ASIC2: variants seen among roughly 807,000 people sequenced by gnomAD.
ASIC2 encodes acid-sensing ion channel 2.
In ASIC2, 25 loss-of-function variants were observed where a neutral mutation model predicts 57.3. The observed-to-expected ratio is 0.44, with a 90% CI of 0.32 to 0.61. The LOEUF (loss-of-function observed/expected upper bound fraction) is 0.61, where lower values mean the gene tolerates loss of function less well. ASIC2 is among the 20% of genes least tolerant of loss of function. The pLI, the probability that ASIC2 is intolerant of heterozygous loss-of-function variation, is 0.06. For synonymous variants in ASIC2, 319 were observed against 307.5 expected, an observed-to-expected ratio of 1.04 and a Z score of -0.39; for missense variants, 641 against 738.1, an observed-to-expected ratio of 0.87 and a Z score of 1.52.
chr17:33,718,159 A>G (rs1909279115), intron 1 of ASIC2, among the ~76,000 whole-genome samples: 1 of 151,802 alleles, frequency 6.6e-6, no homozygotes, highest in Non-Finnish European at 1.5e-5. Context: ...ATGCTCCTGT[A>G]TGCTTTAAAT....
At chr17:33,776,484 C>T (rs532437044) in intron 1 of ASIC2, among the ~76,000 whole-genome samples, 11 of 152,264 alleles carry the variant, frequency 7.2e-5, no homozygotes, top group East Asian at 1.9e-4. Context: ...TTCAGGAGTC[C>T]GAACAGACTA....
rs1264687018 is a variant in ASIC2, at chr17:33,873,010, C to CA, written c.555+282967dup. 3.3e-5 allele frequency among the ~76,000 whole-genome samples: 5 copies of CA among 152,132 alleles called. 1 individual carries two copies. ...CCAAGAAAAAGGCAGAGACTTAAGA[C>CA]AGAGACAAGAACTTCAAGAAAAAAT... On this transcript the variant is annotated intron_variant, in intron 1 of 9. Transcript: ENST00000359872.
At chr17:33,709,442 G>T (rs1908960564) in intron 1 of ASIC2, among the ~76,000 whole-genome samples, 1 of 152,222 alleles carries the variant, frequency 6.6e-6, no homozygotes, top group Non-Finnish European at 1.5e-5. Flanking sequence ...GCCTTTCTAA[G>T]AAGAGGTCAG....
intron 1 of ASIC2, among the ~76,000 whole-genome samples, chr17:33,218,396 C>G (rs1907575074): frequency 1.3e-5 from 2 of 152,244 alleles, no homozygotes; most frequent in African/African-American, 4.8e-5. Flanking sequence ...TTCTATTCAT[C>G]TGAGCATTCT....
At chr17:33,243,356 C>T (rs992490867) in intron 1 of ASIC2, among the ~76,000 whole-genome samples, 31 of 152,010 alleles carry the variant, frequency 2.0e-4, no homozygotes, top group African/African-American at 6.5e-4. Flanking sequence ...TTTAGTAAAT[C>T]GTAGGACTGC....
At chr17:33,018,158 A>G (rs1476765137) in intron 7 of ASIC2, among the ~76,000 whole-genome samples, 1 of 152,206 alleles carries the variant, frequency 6.6e-6, no homozygotes, top group Non-Finnish European at 1.5e-5. Flanking sequence ...GGATAAGGCC[A>G]TAGGTGTCTC....
intron 1 of ASIC2, among the ~76,000 whole-genome samples, chr17:33,983,276 T>C (rs112210335): frequency 0.013 from 2,039 of 152,286 alleles, 28 homozygotes; most frequent in Non-Finnish European, 0.015. Flanking sequence ...GTTAATTATA[T>C]ATTTACTACC....
chr17:33,103,467 T>C (rs1425642872), intron 2 of ASIC2, among the ~76,000 whole-genome samples: 1 of 152,220 alleles, frequency 6.6e-6, no homozygotes, highest in Non-Finnish European at 1.5e-5. Flanking sequence ...TTCCTCAATG[T>C]TTCTTTTTGG....
chr17:33,178,971 C>T (rs1905873032), intron 1 of ASIC2, among the ~76,000 whole-genome samples: 1 of 152,200 alleles, frequency 6.6e-6, no homozygotes, highest in Non-Finnish European at 1.5e-5. Flanking sequence ...GCTGTCTTTC[C>T]TCACACTGGC....
At chr17:33,179,025 G>A (rs1905875100) in intron 1 of ASIC2, among the ~76,000 whole-genome samples, 2 of 152,270 alleles carry the variant, frequency 1.3e-5, no homozygotes, top group Middle Eastern at 3.4e-3. Context: ...CTGGTGGCTC[G>A]GATACTGAAG....
chr17:33,360,498 C>T (rs1908555996), intron 1 of ASIC2, among the ~76,000 whole-genome samples: 2 of 152,314 alleles, frequency 1.3e-5, no homozygotes, highest in Middle Eastern at 3.4e-3. Flanking sequence ...CTTGCCTCTG[C>T]CTGTAGCCCA....
At chr17:33,380,327 CTT>C (rs1431337183) in intron 1 of ASIC2, among the ~76,000 whole-genome samples, 1 of 151,164 alleles carries the variant, frequency 6.6e-6, no homozygotes, top group African/African-American at 2.4e-5. Context: ...TACATTGACT[CTT>C]ATCATGTACA....
intron 1 of ASIC2, among the ~76,000 whole-genome samples, chr17:33,213,953 C>T (rs752389924): frequency 6.6e-6 from 1 of 152,218 alleles, no homozygotes; most frequent in Non-Finnish European, 1.5e-5. Flanking sequence ...GGTGAGTGTG[C>T]TGCTGTTATT....
At chr17:33,455,654 C>A (rs536386590) in intron 1 of ASIC2, among the ~76,000 whole-genome samples, 1 of 152,304 alleles carries the variant, frequency 6.6e-6, no homozygotes, top group African/African-American at 2.4e-5. Flanking sequence ...CAAATAGCTT[C>A]TTTGATGGTT....
At chr17:33,801,109 G>T (rs1567719642) in intron 1 of ASIC2, among the ~76,000 whole-genome samples, 1 of 152,206 alleles carries the variant, frequency 6.6e-6, no homozygotes, top group Non-Finnish European at 1.5e-5. Context: ...AAGCTTTGGT[G>T]TCCATCAAAA....
intron 1 of ASIC2, among the ~76,000 whole-genome samples, chr17:34,044,244 G>C (rs1469889963): frequency 2.0e-5 from 3 of 152,090 alleles, no homozygotes; most frequent in Admixed American, 6.6e-5. Flanking sequence ...AAGTCATGCT[G>C]TCCCTGGTGA....
intron 1 of ASIC2, among the ~76,000 whole-genome samples, chr17:33,441,647 C>T (rs903221612): frequency 1.3e-5 from 2 of 152,170 alleles, no homozygotes; most frequent in Non-Finnish European, 2.9e-5. Context: ...ATAAGGACCT[C>T]ATTTCAGTGG....
intron 1 of ASIC2, among the ~76,000 whole-genome samples, chr17:33,238,697 G>A (rs1908388226): frequency 6.6e-6 from 1 of 152,066 alleles, no homozygotes; most frequent in East Asian, 1.9e-4. Context: ...CCCCAACACG[G>A]CTCCCCCAAC....
intron 1 of ASIC2, chr17:34,155,624 C>A (rs1904688932): frequency 7.7e-6 from 2 of 260,874 alleles, no homozygotes; most frequent in South Asian, 1.3e-4. Flanking sequence ...TCGTCAATGA[C>A]AAGCTGTTCC....
Sources: gnomAD v4.1 joint callset for allele counts (sites outside exome capture counted in the v4.1 genomes callset) on GRCh38, gnomAD v4.1.1 for gene constraint, MANE v1.5 for transcripts, NCBI Gene and HGNC (gene_info 2026-07-23, HGNC 2026-07-21) for gene names.